ZNF385D: variants seen among roughly 807,000 people sequenced by gnomAD.
ZNF385D encodes the protein zinc finger protein 659.
A neutral mutation model predicts 35.8 loss-of-function variants in ZNF385D; 15 were observed. That is an observed-to-expected ratio of 0.42 (90% CI 0.28 to 0.64). ZNF385D has a LOEUF of 0.64. ZNF385D is among the 30% of genes least tolerant of loss of function. The pLI, the probability that ZNF385D is intolerant of heterozygous loss-of-function variation, is 0.23. For synonymous variants in ZNF385D, 212 were observed against 186.8 expected (o/e 1.13, Z -1.10); for missense variants, 474 against 494.6 (o/e 0.96, Z 0.39).
chr3:21,681,298 TAAAAA>T (rs55872870), intron 1 of ZNF385D, among the ~76,000 whole-genome samples: 130 of 64,472 alleles, frequency 2.0e-3, no homozygotes, highest in African/African-American at 5.5e-3. Flanking sequence ...ATTCCATCAG[TAAAAA>T]AAAAAAAAAA....
At chr3:21,912,674 C>T (rs1375514446) in intron 3 of ZNF385D, among the ~76,000 whole-genome samples, 3 of 152,050 alleles carry the variant, frequency 2.0e-5, no homozygotes, top group Non-Finnish European at 2.9e-5. Context: ...ATCATTAGAA[C>T]TTTCCCCATC....
intron 2 of ZNF385D, among the ~76,000 whole-genome samples, chr3:22,202,238 C>G (rs12637982): frequency 0.061 from 9,325 of 152,120 alleles, 371 homozygotes; most frequent in East Asian, 0.13. Flanking sequence ...AAGAACCTAT[C>G]AATAAGCTTT....
At chr3:21,886,549 T>C (rs933775575) in intron 3 of ZNF385D, among the ~76,000 whole-genome samples, 1 of 151,960 alleles carries the variant, frequency 6.6e-6, no homozygotes, top group African/African-American at 2.4e-5. Context: ...CAAGCAGATA[T>C]TGGATGGACG....
At chr3:22,313,251 C>T (rs926800394) in intron 2 of ZNF385D, among the ~76,000 whole-genome samples, 2 of 95,376 alleles carry the variant, frequency 2.1e-5, no homozygotes, top group East Asian at 2.8e-4. Context: ...GACTGTTGTG[C>T]GGTCGGGGGA....
At chr3:21,601,150 C>T (rs1410814659) in intron 2 of ZNF385D, among the ~76,000 whole-genome samples, 1 of 152,074 alleles carries the variant, frequency 6.6e-6, no homozygotes, top group Non-Finnish European at 1.5e-5. Context: ...TTATTTGAAA[C>T]TTCACAATTT....
chr3:21,995,221 TAGGGGC>T (rs1695385565), intron 3 of ZNF385D, among the ~76,000 whole-genome samples: 1 of 152,148 alleles, frequency 6.6e-6, no homozygotes, highest in Non-Finnish European at 1.5e-5. Context: ...GCATATGTGG[TAGGGGC>T]CAATGGTATA....
Position 21,665,075 on chromosome 3 carries a change from A to G in ZNF385D, c.23-47T>C, listed in dbSNP as rs781703792. On this transcript the variant is annotated intron_variant, in intron 1 of 7. Transcript: ENST00000281523. ...GAGCAATCAGGGACACCACGCATGG[A>G]AAAAAACACCAAAGTTGCTTTTGAG... The G allele has an allele frequency of 2.6e-6, 4 of 1,519,006 alleles. No homozygotes were observed. The African/African-American group carries it at 5.6e-5, about 21-fold the overall frequency. 94.1% of individuals were successfully genotyped at this position (1,519,006 alleles called of 1,614,324 possible).
At chr3:22,208,725 A>C (rs1307590007) in intron 2 of ZNF385D, among the ~76,000 whole-genome samples, 1 of 151,818 alleles carries the variant, frequency 6.6e-6, no homozygotes, top group Admixed American at 6.6e-5. Flanking sequence ...ATTAAAAAAA[A>C]AATTTAAAAA....
intron 3 of ZNF385D, among the ~76,000 whole-genome samples, chr3:22,058,765 A>G (rs1182682231): frequency 6.6e-6 from 1 of 152,186 alleles, no homozygotes; most frequent in Non-Finnish European, 1.5e-5. Context: ...AACTTTTGGA[A>G]GCCAGTCTGA....
chr3:21,979,635 T>C (rs1694302980), intron 3 of ZNF385D: 3 of 152,212 alleles, frequency 2.0e-5, no homozygotes, highest in African/African-American at 2.4e-5. Flanking sequence ...TCATAGGTGC[T>C]TGAAACGGCA....
intron 3 of ZNF385D, among the ~76,000 whole-genome samples, chr3:21,842,731 A>G (rs1330639028): frequency 2.0e-5 from 3 of 152,088 alleles, no homozygotes; most frequent in African/African-American, 4.8e-5. Context: ...GAATGCCACA[A>G]TGGTAGAGAA....
At chr3:21,601,424 C>T (rs913636508) in intron 2 of ZNF385D, among the ~76,000 whole-genome samples, 14 of 152,272 alleles carry the variant, frequency 9.2e-5, no homozygotes, top group East Asian at 5.8e-4. Flanking sequence ...TACAGGGAAA[C>T]CTCAGGAGTA....
chr3:21,830,878 T>C (rs374585654), intron 3 of ZNF385D, among the ~76,000 whole-genome samples: 65 of 152,326 alleles, frequency 4.3e-4, no homozygotes, highest in South Asian at 2.1e-3. Context: ...ATTTATGCCA[T>C]TGATCCAATT....
intron 2 of ZNF385D, among the ~76,000 whole-genome samples, chr3:21,617,415 G>A (rs1011293472): frequency 2.6e-5 from 4 of 152,106 alleles, no homozygotes; most frequent in East Asian, 3.9e-4. Flanking sequence ...GACCTCCTGC[G>A]TTTATCTGTA....
intron 2 of ZNF385D, among the ~76,000 whole-genome samples, chr3:22,287,477 T>C (rs1171221154): frequency 6.6e-6 from 1 of 151,998 alleles, no homozygotes; most frequent in Non-Finnish European, 1.5e-5. Flanking sequence ...GGCTTAATGG[T>C]TCTCTCTAAT....
intron 3 of ZNF385D, among the ~76,000 whole-genome samples, chr3:21,533,560 T>C (rs1021499477): frequency 6.6e-6 from 1 of 152,072 alleles, no homozygotes; most frequent in Non-Finnish European, 1.5e-5. Context: ...TGACTCAAAA[T>C]GCCAGCTGTT....
chr3:22,078,374 G>C (rs1700575196), intron 3 of ZNF385D, among the ~76,000 whole-genome samples: 1 of 151,992 alleles, frequency 6.6e-6, no homozygotes, highest in Non-Finnish European at 1.5e-5. Context: ...ATGTTGACCA[G>C]GCTCACAGAG....
chr3:21,726,030 A>C (rs2068750259), intron 1 of ZNF385D, among the ~76,000 whole-genome samples: 1 of 152,168 alleles, frequency 6.6e-6, no homozygotes, highest in Non-Finnish European at 1.5e-5. Context: ...AACATACACA[A>C]ATCAATATAC....
chr3:22,156,759 G>C (rs757388164), intron 3 of ZNF385D, among the ~76,000 whole-genome samples: 5 of 151,822 alleles, frequency 3.3e-5, no homozygotes, highest in African/African-American at 4.8e-5. Flanking sequence ...TGTTACTGTA[G>C]ACTCCCATTT....
Sources: gnomAD v4.1 joint callset for allele counts (sites outside exome capture counted in the v4.1 genomes callset) on GRCh38, gnomAD v4.1.1 for gene constraint, MANE v1.5 for transcripts, NCBI Gene and HGNC (gene_info 2026-07-23, HGNC 2026-07-21) for gene names.